Variants in PFKFB2 observed in about 807,000 individuals in gnomAD.
The protein encoded by PFKFB2 is 6-phosphofructo-2-kinase/fructose-2,6-bisphosphatase 2.
A neutral mutation model predicts 68.0 loss-of-function variants in PFKFB2; 53 were observed. The ratio of observed to expected loss-of-function variants is 0.78; its 90% CI spans 0.63 to 0.98. PFKFB2 has a LOEUF of 0.98. PFKFB2 is among the 50% of genes least tolerant of loss of function. PFKFB2 has a pLI of 0.00. For synonymous variants in PFKFB2, 222 were observed against 227.6 expected (o/e 0.98, Z 0.22); for missense variants, 451 against 642.0 (o/e 0.70, Z 3.22).
In PFKFB2 at chr1:207,076,726, CT is replaced by C. The variant is rs1297717895; in HGVS notation, c.*4356del. On this transcript the variant is annotated 3_prime_UTR_variant, in exon 15 of 15. Coordinates refer to ENST00000367080, the MANE Select transcript of PFKFB2 (RefSeq NM_006212.2). ...CTGGTAGACCAGGAGGATCTGTGTG[CT>C]GATTGACTCTAGTAGGATCTGTTTG... 1.1e-6 allele frequency: 1 copy of C among 931,988 alleles called. No homozygotes were observed. Among genetic ancestry groups the C allele is most frequent in the African/African-American group, 2.2e-5 (1 of 45,032 alleles). The allele number at this position is 931,988 out of a possible 1,614,324, so 57.7% of individuals were successfully genotyped here. A position where few individuals can be genotyped will look rare whatever the true frequency, so the allele number is the denominator to read the frequency against.
chr1:207,071,166 C>T (rs1364077270), intron 12 of PFKFB2, 22 bp from the exon 13 acceptor site: 20 of 1,602,734 alleles, frequency 1.2e-5, no homozygotes, highest in South Asian at 1.1e-4. Context: ...AGACTTCCCT[C>T]GCCTGGTCTT....
At chr1:207,062,556 C>T (rs1238266474) in intron 3 of PFKFB2, 64 bp from the exon 4 acceptor site, 6 of 1,582,238 alleles carry the variant, frequency 3.8e-6, no homozygotes, top group Non-Finnish European at 5.1e-6. Context: ...GGCCAAGAAA[C>T]AAGTCCCATT....
intron 2 of PFKFB2, among the ~76,000 whole-genome samples, chr1:207,056,712 G>A (rs1682932823): frequency 6.6e-6 from 1 of 151,866 alleles, no homozygotes; most frequent in South Asian, 2.1e-4. Context: ...TCTTCTCTAA[G>A]AAGAAGAAGG....
chr1:207,074,774 T>C lies in PFKFB2; in HGVS notation c.*2403T>C, dbSNP rs1437290867. ...GAAGGTTATTTTAAGAGACAGGACA[T>C]GTAATTTATAACAAATGGACATTTG... On this transcript the variant is annotated 3_prime_UTR_variant, in exon 15 of 15. Coordinates refer to ENST00000367080, the MANE Select transcript of PFKFB2 (RefSeq NM_006212.2). 9 of 985,306 alleles carry C rather than the reference T, an allele frequency of 9.1e-6. No individual in the cohort carries two copies. Among genetic ancestry groups the C allele is most frequent in the Non-Finnish European group, 1.1e-5 (9 of 829,936 alleles). 61.0% of individuals were successfully genotyped at this position (985,306 alleles called of 1,614,324 possible). A position where few individuals can be genotyped will look rare whatever the true frequency, so the allele number is the denominator to read the frequency against.
chr1:207,035,932 C>A (rs929093265), intron 1 of PFKFB2, among the ~76,000 whole-genome samples: 1 of 152,138 alleles, frequency 6.6e-6, no homozygotes, highest in Admixed American at 6.5e-5. Flanking sequence ...TAACAATAGA[C>A]AGGGCCATGG....
chr1:207,053,904 A>ATTTTTTTTTT (rs574695365), intron 1 of PFKFB2, among the ~76,000 whole-genome samples: 1 of 97,892 alleles, frequency 1.0e-5, no homozygotes, highest in African/African-American at 4.0e-5. Flanking sequence ...TTCATTTTTC[A>ATTTTTTTTTT]TTTTTTTTTT....
upstream of PFKFB2, chr1:207,049,804 C>T (rs778430703): frequency 1.6e-5 from 21 of 1,324,702 alleles, no homozygotes; most frequent in Non-Finnish European, 2.2e-5. Flanking sequence ...CTGTAAATTA[C>T]AAACTGAAGG....
chr1:207,054,395 T>A (rs1419203517), intron 1 of PFKFB2, among the ~76,000 whole-genome samples: 5 of 152,166 alleles, frequency 3.3e-5, no homozygotes, highest in Non-Finnish European at 7.3e-5. Flanking sequence ...ATCTGTAAAA[T>A]GAGAAGAAAT....
In PFKFB2 at chr1:207,076,252, C is replaced by CTTT. The variant is rs568062478; in HGVS notation, c.*3895_*3897dup. On this transcript the variant is annotated 3_prime_UTR_variant, in exon 15 of 15. Coordinates refer to ENST00000367080, the MANE Select transcript of PFKFB2 (RefSeq NM_006212.2). ...AATTCATCTATGTTACTTTTTTTTT[C>CTTT]TTTTTTTTTTTTTTTTATGAGCAGG... The CTTT allele has an allele frequency of 5.4e-5, 47 of 870,664 alleles. No individual in the cohort carries two copies. The highest frequency in any genetic ancestry group is 1.1e-4 in the South Asian group (2 of 18,566). The allele number at this position is 870,664 out of a possible 1,614,324, so 53.9% of individuals were successfully genotyped here.
chr1:207,067,550 CA>C lies in PFKFB2; in HGVS notation c.685del (p.Arg229GlufsTer10). 1.2e-6 allele frequency: 2 copies of C among 1,613,946 alleles called. No homozygotes were observed. Among genetic ancestry groups the C allele is most frequent in the Non-Finnish European group, 1.7e-6 (2 of 1,179,898 alleles). On this transcript the variant is annotated frameshift_variant, in exon 9 of 15. Coordinates refer to ENST00000367080, the MANE Select transcript of PFKFB2 (RefSeq NM_006212.2). LOFTEE classifies it high-confidence loss of function. ...INVGQRFLVNRVQDYIQSKIV... is the reference protein window; with the variant it reads ...INVGQRFLVNXVQDYIQSKIV... ...ACGTGGGCCAGCGATTTTTAGTCAA[CA>C]GAGTCCAGGACTACATCCAGAGCAA...
At chr1:207,059,758 C>A (rs1044792555) in intron 2 of PFKFB2, among the ~76,000 whole-genome samples, 2 of 152,120 alleles carry the variant, frequency 1.3e-5, no homozygotes, top group Non-Finnish European at 2.9e-5. Context: ...CTTTTCCTTC[C>A]GAGGGTGGTT....
At chr1:207,047,922 T>C (rs1193447559) in intron 2 of PFKFB2, 1 of 152,180 alleles carries the variant, frequency 6.6e-6, no homozygotes, top group African/African-American at 2.4e-5. Flanking sequence ...ATAACTTTAG[T>C]GGAGGGATAA....
Position 207,077,096 on chromosome 1 carries a change from A to G in PFKFB2, c.*4725A>G. The stretch of plus-strand genomic sequence containing the variant: ...GTATTTTGTGAACTCAGCTAAGGGA[A>G]TGCCTGTTCAGAGCCTGGAGTTGTT... On this transcript the variant is annotated 3_prime_UTR_variant, in exon 15 of 15. Coordinates refer to ENST00000367080, the MANE Select transcript of PFKFB2 (RefSeq NM_006212.2). 3 of 985,090 alleles carry G rather than the reference A, an allele frequency of 3.0e-6. No homozygotes were observed. Among genetic ancestry groups the G allele is most frequent in the Non-Finnish European group, 3.6e-6 (3 of 829,630 alleles). The allele number at this position is 985,090 out of a possible 1,614,324, so 61.0% of individuals were successfully genotyped here. A position where few individuals can be genotyped will look rare whatever the true frequency, so the allele number is the denominator to read the frequency against.
upstream of PFKFB2, chr1:207,048,454 G>A (rs1193565956): frequency 2.6e-5 from 4 of 153,950 alleles, no homozygotes; most frequent in East Asian, 7.7e-4. Context: ...ATCTTCATTT[G>A]ATGAATCAAT....
chr1:207,064,831 C>A (rs1683232729), intron 7 of PFKFB2, among the ~76,000 whole-genome samples: 1 of 152,176 alleles, frequency 6.6e-6, no homozygotes, highest in Non-Finnish European at 1.5e-5. Context: ...GCACATGACT[C>A]CCCAGTTGTC....
rs1377504147 is a variant in PFKFB2, at chr1:207,054,758, A to G, written c.41A>G (p.Tyr14Cys). Residue 14 changes from tyrosine (Y) to cysteine (C), a missense_variant, in exon 2 of 15, where the codon TAT (tyrosine) becomes TGT (cysteine). Physicochemically the swap from Tyr to Cys is radical, Grantham distance 194 (BLOSUM62 -2). Coordinates refer to ENST00000367080, the MANE Select transcript of PFKFB2 (RefSeq NM_006212.2). ...ASSSEQNNNS[Y>C]ETKTPNLRMS... is the part of the protein sequence containing the mutation. The stretch of plus-strand genomic sequence containing the variant: ...TCCTCAGAACAGAACAACAACAGCT[A>G]TGAAACCAAAACCCCAAATCTTCGA... 5.6e-6 allele frequency: 9 copies of G among 1,613,988 alleles called. No individual in the cohort carries two copies. Among genetic ancestry groups the G allele is most frequent in the East Asian group, 2.2e-5 (1 of 44,888 alleles).
chr1:207,052,321 A>C (rs1682773303), upstream of PFKFB2: 4 of 1,185,564 alleles, frequency 3.4e-6, no homozygotes, highest in Non-Finnish European at 5.0e-6. Flanking sequence ...CGGATGATAC[A>C]GCCTGGGTTA....
chr1:207,050,815 G>C, upstream of PFKFB2: 1 of 1,613,298 alleles, frequency 6.2e-7, no homozygotes, highest in Middle Eastern at 1.6e-4. Flanking sequence ...TTTGGCCCTG[G>C]AGTTCCCGCA....
intron 1 of PFKFB2, among the ~76,000 whole-genome samples, chr1:207,041,264 G>C (rs972718333): frequency 2.1e-4 from 31 of 151,094 alleles, no homozygotes; most frequent in African/African-American, 7.1e-4. Flanking sequence ...TTTAAGTTCT[G>C]GGATACATGT....
Sources: gnomAD v4.1 joint callset for allele counts (sites outside exome capture counted in the v4.1 genomes callset) on GRCh38, gnomAD v4.1.1 for gene constraint, MANE v1.5 for transcripts, NCBI Gene and HGNC (gene_info 2026-07-23, HGNC 2026-07-21) for gene names.